CPA5: variants seen among roughly 807,000 people sequenced by gnomAD.
CPA5 encodes carboxypeptidase A5.
Under a neutral mutation model 52.2 loss-of-function variants are expected in CPA5, and 38 were observed. That is an observed-to-expected ratio of 0.73 (90% CI 0.56 to 0.95). The LOEUF (loss-of-function observed/expected upper bound fraction) is 0.95, where lower values mean the gene tolerates loss of function less well. Among genes scored for constraint, CPA5 ranks in the 40% least tolerant of loss-of-function variants. CPA5 has a pLI of 0.00. For synonymous variants in CPA5, 198 were observed against 213.7 expected, an observed-to-expected ratio of 0.93 and a Z score of 0.64; for missense variants, 519 against 566.7, an observed-to-expected ratio of 0.92 and a Z score of 0.86.
In CPA5 at chr7:130,364,979, G is replaced by A. The variant is rs185076948; in HGVS notation, c.838+1470G>A. On this transcript the variant is annotated intron_variant, in intron 10 of 12. Transcript: ENST00000474905. ...CCAGACATGGCATCTGCACTTCACCGGGGGCTCAGGGTTTGGCTCCACAGG... is the reference window on the plus strand; with the variant it reads ...CCAGACATGGCATCTGCACTTCACCAGGGGCTCAGGGTTTGGCTCCACAGG... Among the ~76,000 whole-genome samples the A allele has an allele frequency of 4.7e-3, 722 of 152,294 alleles. 8 individuals are homozygous for A. Among genetic ancestry groups the A allele is most frequent in the African/African-American group, 0.015 (623 of 41,568 alleles).
intron 4 of CPA5, among the ~76,000 whole-genome samples, chr7:130,348,974 T>A (rs1794951080): frequency 6.6e-6 from 1 of 152,216 alleles, no homozygotes; most frequent in South Asian, 2.1e-4. Context: ...TTAGTGGCCA[T>A]CTCGGTCATC....
rs1323968832 is a variant in CPA5 at position 130,357,239 on chromosome 7, C to T, written c.334-2350C>T. The stretch of plus-strand genomic sequence containing the variant: ...CGTTGTAAGCAAGCCAACTAGGCCT[C>T]GGGGATGAGTGAGTCATTAGGCATT... On this transcript the variant is annotated intron_variant, in intron 5 of 12. Coordinates refer to ENST00000474905, the MANE Select transcript of CPA5 (RefSeq NM_080385.5). Among the ~76,000 whole-genome samples the T allele has an allele frequency of 7.9e-5, 12 of 152,062 alleles. No individual in the cohort carries two copies. In the South Asian group the frequency reaches 1.9e-3, roughly 24 times the overall value.
chr7:130,357,313 G>C (rs563708108), intron 5 of CPA5, among the ~76,000 whole-genome samples: 1 of 152,064 alleles, frequency 6.6e-6, no homozygotes, highest in Middle Eastern at 3.4e-3. Flanking sequence ...TCTTCCTGAC[G>C]GGGGTGGAAG....
chr7:130,368,084 G>C, intron 12 of CPA5, 94 bp downstream of exon 12: 2 of 1,189,490 alleles, frequency 1.7e-6, no homozygotes, highest in East Asian at 2.4e-5. Context: ...CTGGCCCAAA[G>C]CTGCCTCCCA....
At chr7:130,363,340 C>A in intron 9 of CPA5, 79 bp from the exon 10 acceptor site, 1 of 1,238,238 alleles carries the variant, frequency 8.1e-7, no homozygotes, top group Non-Finnish European at 1.2e-6. Flanking sequence ...TCCCCTACCC[C>A]CATAGGCCAG....
chr7:130,373,665 C>G (rs1683717091), downstream of CPA5, among the ~76,000 whole-genome samples: 1 of 152,236 alleles, frequency 6.6e-6, no homozygotes, highest in Non-Finnish European at 1.5e-5. Context: ...CAGAAAACGA[C>G]TTTACTGAGA....
intron 10 of CPA5, among the ~76,000 whole-genome samples, chr7:130,365,599 A>G (rs905969264): frequency 6.6e-6 from 1 of 152,278 alleles, no homozygotes; most frequent in South Asian, 2.1e-4. Context: ...CTTGTGAAAC[A>G]GGCGGACTCA....
In CPA5 at chr7:130,359,681, G is replaced by T; in HGVS notation, c.426G>T (p.Leu142=). The change falls in exon 6 of 13, where the codon CTG becomes CTT. Residue 142 remains leucine (L), a synonymous_variant. Coordinates refer to ENST00000474905, the MANE Select transcript of CPA5 (RefSeq NM_080385.5). ...TCAGTTACTCATCATACCACACCCT[G>T]GAGGAGGTAGGTCTGGCCGGGCAAG... ...NSFSYSSYHT[L]EEIYSWIDNF... is the part of the protein sequence containing the mutation. 1 of 1,580,580 alleles carries T rather than the reference G, an allele frequency of 6.3e-7. No individual in the cohort carries two copies. Among genetic ancestry groups the T allele is most frequent in the East Asian group, 2.3e-5 (1 of 43,728 alleles).
At chr7:130,367,202 A>G (rs1421618652) in intron 10 of CPA5, among the ~76,000 whole-genome samples, 170 bp from the exon 11 acceptor site, 1 of 152,086 alleles carries the variant, frequency 6.6e-6, no homozygotes, top group Non-Finnish European at 1.5e-5. Flanking sequence ...CTCAACCCAG[A>G]AGTGCCGTGT....
rs528705289 is a variant in CPA5, at chr7:130,363,612, G to A, written c.838+103G>A. The A allele has an allele frequency of 8.9e-5, 86 of 964,244 alleles. 1 individual carries two copies. The African/African-American group carries it at 1.3e-3, about 14-fold the overall frequency. 59.7% of individuals were successfully genotyped at this position (964,244 alleles called of 1,614,324 possible). A position where few individuals can be genotyped will look rare whatever the true frequency, so the allele number is the denominator to read the frequency against. On this transcript the variant is annotated intron_variant, in intron 10 of 12. Coordinates refer to ENST00000474905, the MANE Select transcript of CPA5 (RefSeq NM_080385.5). ...TATGTTGACTCAACTTGGGAGGCATGGGACAATGTAGTCAGCTAATATGCA... is the reference window on the plus strand; with the variant it reads ...TATGTTGACTCAACTTGGGAGGCATAGGACAATGTAGTCAGCTAATATGCA...
Position 130,368,677 on chromosome 7 carries a change from A to C in CPA5, c.*80A>C. Reference sequence around the variant, plus strand: ...CCCGAAACCCAAGTTATGCATCCCCATCCCCATGCCCTCATCCCGACCTCT... The same window carrying C: ...CCCGAAACCCAAGTTATGCATCCCCCTCCCCATGCCCTCATCCCGACCTCT... On this transcript the variant is annotated 3_prime_UTR_variant, in exon 13 of 13. Coordinates refer to ENST00000474905, the MANE Select transcript of CPA5 (RefSeq NM_080385.5). 1.4e-6 allele frequency: 2 copies of C among 1,406,448 alleles called. No individual in the cohort carries two copies. The highest frequency in any genetic ancestry group is 2.0e-6 in the Non-Finnish European group (2 of 1,001,976). 87.1% of individuals were successfully genotyped at this position (1,406,448 alleles called of 1,614,324 possible).
chr7:130,365,601 G>A (rs1209700571), intron 10 of CPA5, among the ~76,000 whole-genome samples: 1 of 152,228 alleles, frequency 6.6e-6, no homozygotes, highest in East Asian at 1.9e-4. Context: ...TGTGAAACAG[G>A]CGGACTCAGA....
intron 5 of CPA5, among the ~76,000 whole-genome samples, 196 bp from the exon 6 acceptor site, chr7:130,359,393 A>G (rs1795668445): frequency 6.6e-6 from 1 of 152,232 alleles, no homozygotes; most frequent in South Asian, 2.1e-4. Flanking sequence ...AAATGGCAGC[A>G]TGACTGCCAG....
In CPA5 at chr7:130,367,550, C is replaced by T. The variant is rs202176514; in HGVS notation, c.1017C>T (p.Pro339=). 14 of 1,613,998 alleles carry T rather than the reference C, an allele frequency of 8.7e-6. No individual in the cohort carries two copies. The highest frequency in any genetic ancestry group is 2.2e-5 in the East Asian group (1 of 44,870). The part of the protein sequence containing the change: ...LMYPYGRLLE[P]VSNQRELYDL... ...ACCCTTACGGCCGATTGCTGGAGCC[C>T]GTTTCAAATCAGAGGGAGTTGGTGA... is the stretch of plus-strand genomic sequence containing the variant. Residue 339 remains proline, a synonymous_variant, in exon 11 of 13, where the codon CCC becomes CCT. Coordinates refer to ENST00000474905, the MANE Select transcript of CPA5 (RefSeq NM_080385.5).
chr7:130,359,702 G>T lies in CPA5; in HGVS notation c.432+15G>T, dbSNP rs781815974. The T allele has an allele frequency of 2.6e-6, 4 of 1,553,074 alleles. No homozygotes were observed. The highest frequency in any genetic ancestry group is 3.5e-6 in the Non-Finnish European group (4 of 1,142,380). ...CCCTGGAGGAGGTAGGTCTGGCCGG[G>T]CAAGCTCTGGGCTCTCTTGTGTCTT... On this transcript the variant is annotated intron_variant, in intron 6 of 12. Transcript: ENST00000474905.
intron 7 of CPA5, 147 bp downstream of exon 7, chr7:130,361,391 G>A: frequency 4.8e-6 from 3 of 621,802 alleles, no homozygotes; most frequent in Non-Finnish European, 8.7e-6. Flanking sequence ...TAAACTTTGG[G>A]GTTGTGGCAT....
chr7:130,370,269 A>C (rs1796281325), downstream of CPA5, among the ~76,000 whole-genome samples: 1 of 152,230 alleles, frequency 6.6e-6, no homozygotes, highest in South Asian at 2.1e-4. Context: ...GATCATCTTC[A>C]GGGGAACAGC....
At chr7:130,351,002 A>T (rs1554403813) in intron 5 of CPA5, among the ~76,000 whole-genome samples, 1 of 152,140 alleles carries the variant, frequency 6.6e-6, no homozygotes, top group African/African-American at 2.4e-5. Context: ...ATCTCCCCTA[A>T]GGGCTCCGAC....
In CPA5 at chr7:130,346,511, C is replaced by T. The variant is rs199723670; in HGVS notation, c.26C>T (p.Thr9Met). 207 of 1,613,536 alleles carry T rather than the reference C, an allele frequency of 1.3e-4. 2 individuals are homozygous for T. The East Asian group carries it at 3.7e-3, about 29-fold the overall frequency. ...ATGCAGGGCACCCCTGGAGGCGGGA[C>T]GCGCCCTGGGCCATCCCCCGTGGAC... Reference protein sequence around the residue: MQGTPGGGTRPGPSPVDRR... With the variant: MQGTPGGGMRPGPSPVDRR... The change falls in exon 3 of 13, where the codon ACG (threonine) becomes ATG (methionine). Residue 9 changes from threonine to methionine, a missense_variant. By Grantham distance (81) the Thr-to-Met change is moderately conservative. Coordinates refer to ENST00000474905, the MANE Select transcript of CPA5 (RefSeq NM_080385.5).
Sources: allele counts gnomAD v4.1 joint callset (sites outside exome capture counted in the v4.1 genomes callset), GRCh38; gene constraint gnomAD v4.1.1; transcripts MANE v1.5; gene names NCBI Gene and HGNC (gene_info 2026-07-23, HGNC 2026-07-21).